TYW1: variants seen among roughly 807,000 people sequenced by gnomAD.
The protein encoded by TYW1 is tRNA-yW synthesizing protein 1 homolog.
A neutral mutation model predicts 96.2 loss-of-function variants in TYW1; 46 were observed. The observed-to-expected ratio is 0.48, with a 90% CI of 0.38 to 0.61. TYW1 has a LOEUF of 0.61. Among genes scored for constraint, TYW1 ranks in the 20% least tolerant of loss-of-function variants. The probability of loss-of-function intolerance (pLI) is 0.00; values close to 1 mark genes in which losing one functional copy is unlikely to be tolerated. For synonymous variants in TYW1, 274 were observed against 323.0 expected (o/e 0.85, Z 1.63); for missense variants, 684 against 909.6 (o/e 0.75, Z 3.19).
At chr7:67,196,738 C>T (rs1255810369) in intron 15 of TYW1, among the ~76,000 whole-genome samples, 1 of 151,770 alleles carries the variant, frequency 6.6e-6, no homozygotes, top group Non-Finnish European at 1.5e-5. Context: ...TAAAACAGGA[C>T]AATTTAATTT....
intron 15 of TYW1, among the ~76,000 whole-genome samples, chr7:67,207,049 C>CT (rs1800823632): frequency 6.6e-6 from 1 of 152,196 alleles, no homozygotes; most frequent in Admixed American, 6.5e-5. Flanking sequence ...AAACGCCCTC[C>CT]TTTCCCTACC....
chr7:67,212,188 TC>T (rs1467057623), intron 15 of TYW1, among the ~76,000 whole-genome samples: 1 of 152,146 alleles, frequency 6.6e-6, no homozygotes, highest in Non-Finnish European at 1.5e-5. Flanking sequence ...TTGTGCCTCT[TC>T]CAAGGGTCAT....
chr7:67,139,299 A>G (rs6949104), intron 13 of TYW1, among the ~76,000 whole-genome samples: 39,614 of 152,152 alleles, frequency 0.26, 5,654 homozygotes, highest in African/African-American at 0.38. Context: ...TGATCCAGTC[A>G]CCTTGGCCTC....
intron 13 of TYW1, among the ~76,000 whole-genome samples, chr7:67,133,122 C>T (rs1302029672): frequency 2.6e-5 from 4 of 152,088 alleles, no homozygotes; most frequent in Non-Finnish European, 4.4e-5. Flanking sequence ...AATACTTGGT[C>T]TTGTTAGTTG....
At chr7:67,217,846 CTTTTTTTTTTTTTT>C (rs57748332) in intron 15 of TYW1, among the ~76,000 whole-genome samples, 63 of 69,260 alleles carry the variant, frequency 9.1e-4, no homozygotes, top group African/African-American at 2.9e-3. Flanking sequence ...GTGTTGATGT[CTTTTTTTTTTTTTT>C]TTTTTTTTTT....
intron 7 of TYW1, among the ~76,000 whole-genome samples, chr7:67,029,423 A>G (rs1222825425): frequency 1.4e-5 from 2 of 139,354 alleles, no homozygotes; most frequent in Non-Finnish European, 3.2e-5. Flanking sequence ...GTGTATATAT[A>G]TATATATATA....
chr7:67,060,637 G>A (rs763582099), intron 9 of TYW1, among the ~76,000 whole-genome samples: 11 of 152,178 alleles, frequency 7.2e-5, no homozygotes, highest in East Asian at 1.9e-4. Context: ...TTAATGAATC[G>A]ATACAAAAGT....
At chr7:67,167,880 A>G (rs143648413) in intron 13 of TYW1, among the ~76,000 whole-genome samples, 4,318 of 151,858 alleles carry the variant, frequency 0.028, 280 homozygotes, top group East Asian at 0.16. Flanking sequence ...TCAGCCTCCC[A>G]AGTAGCTGGG....
At chr7:67,112,637 C>G (rs113948331) in intron 12 of TYW1, among the ~76,000 whole-genome samples, 5 of 149,256 alleles carry the variant, frequency 3.3e-5, no homozygotes, top group African/African-American at 7.4e-5. Flanking sequence ...AAAAAGAAAA[C>G]AAAAGAAAAA....
intron 12 of TYW1, among the ~76,000 whole-genome samples, chr7:67,111,171 A>G (rs995250310): frequency 6.6e-6 from 1 of 152,134 alleles, no homozygotes; most frequent in African/African-American, 2.4e-5. Flanking sequence ...GCTATTTTAA[A>G]TGTGTTCAAA....
chr7:67,049,812 G>C (rs773017738), intron 7 of TYW1, 137 bp from the exon 8 acceptor site: 103 of 1,016,104 alleles, frequency 1.0e-4, no homozygotes, highest in Admixed American at 1.4e-4. Context: ...CTCCTAAAAT[G>C]CTGGGATTAC....
Position 67,195,210 on chromosome 7 carries a change from C to T in TYW1, c.1850C>T (p.Thr617Ile), listed in dbSNP as rs369538429. The change falls in exon 15 of 16, where the codon ACC (threonine) becomes ATC (isoleucine). Residue 617 changes from threonine (T) to isoleucine (I), a missense_variant. Transcript: ENST00000359626. ...YCGESSASSL[T>I]MAHVPWHEEV... The stretch of plus-strand genomic sequence containing the variant: ...GGAGAAAGTTCAGCAAGCAGTCTTA[C>T]CATGGCCCACGTGCCCTGGCATGAG... The T allele has an allele frequency of 6.2e-7, 1 of 1,613,714 alleles. No individual in the cohort carries two copies. Among genetic ancestry groups the T allele is most frequent in the Non-Finnish European group, 8.5e-7 (1 of 1,179,980 alleles).
chr7:67,187,448 T>C (rs1174542168), intron 14 of TYW1, among the ~76,000 whole-genome samples: 1 of 152,228 alleles, frequency 6.6e-6, no homozygotes, highest in Non-Finnish European at 1.5e-5. Flanking sequence ...AGTCATGTCA[T>C]ATCTTTCATA....
chr7:67,081,010 T>C (rs1016000632), intron 10 of TYW1, among the ~76,000 whole-genome samples: 7 of 150,704 alleles, frequency 4.6e-5, no homozygotes, highest in Non-Finnish European at 7.4e-5. Context: ...TGAATCCTTT[T>C]TTTTTTTCTC....
intron 9 of TYW1, among the ~76,000 whole-genome samples, chr7:67,064,956 A>G (rs1795814330): frequency 6.6e-6 from 1 of 152,262 alleles, no homozygotes; most frequent in Non-Finnish European, 1.5e-5. Flanking sequence ...TGGATCACAG[A>G]CTTAAACATT....
intron 8 of TYW1, among the ~76,000 whole-genome samples, chr7:67,050,626 G>A (rs1795323752): frequency 6.6e-6 from 1 of 152,044 alleles, no homozygotes. Flanking sequence ...TCAAGGAACC[G>A]TCGGTCTGGT....
chr7:67,223,958 T>G (rs113290350), intron 15 of TYW1, among the ~76,000 whole-genome samples: 14,947 of 152,026 alleles, frequency 0.098, 817 homozygotes, highest in Middle Eastern at 0.15. Flanking sequence ...GTATTCCTAG[T>G]GCTTTCTACT....
chr7:67,193,473 G>C (rs1243664928), intron 14 of TYW1, among the ~76,000 whole-genome samples: 1 of 152,092 alleles, frequency 6.6e-6, no homozygotes, highest in Non-Finnish European at 1.5e-5. Context: ...TAAAAATTAA[G>C]TGTTGGCCAG....
chr7:67,184,648 TTTATG>T (rs199573674), intron 14 of TYW1, among the ~76,000 whole-genome samples: 2,978 of 43,356 alleles, frequency 0.069, 443 homozygotes, highest in African/African-American at 0.09. Flanking sequence ...TTTTATTTTA[TTTATG>T]TTATGTTATG....
Sources: gnomAD v4.1 joint callset for allele counts (sites outside exome capture counted in the v4.1 genomes callset) on GRCh38, gnomAD v4.1.1 for gene constraint, MANE v1.5 for transcripts, NCBI Gene and HGNC (gene_info 2026-07-23, HGNC 2026-07-21) for gene names.